The following ACAT1 variants were observed in gnomAD, a reference collection of about 807,000 sequenced individuals.
ACAT1 encodes acetyl-CoA acetyltransferase 1.
A neutral mutation model predicts 47.3 loss-of-function variants in ACAT1; 28 were observed. The ratio of observed to expected loss-of-function variants is 0.59; its 90% CI spans 0.44 to 0.81. The LOEUF is 0.81. ACAT1 is among the 30% of genes least tolerant of loss of function. The probability of loss-of-function intolerance (pLI) is 0.00; values close to 1 mark genes in which losing one functional copy is unlikely to be tolerated. For missense variants in ACAT1, 469 were observed against 524.3 expected (o/e 0.89, Z 1.03); for synonymous variants, 181 against 173.6 (o/e 1.04, Z -0.34).
chr11:108,142,551 G>A lies in ACAT1; in HGVS notation c.940+1G>A, dbSNP rs1591371185. The A allele has an allele frequency of 6.2e-7, 1 of 1,612,610 alleles. No homozygotes were observed. Among genetic ancestry groups the A allele is most frequent in the Non-Finnish European group, 8.5e-7 (1 of 1,178,648 alleles). ...GTTACACCACTGGCAAGAATAGTAG[G>A]TAAGGCCAGGCGAGGTGGCTCACAC... On this transcript the variant is annotated splice_donor_variant, in intron 9 of 11. Transcript: ENST00000265838. LOFTEE classifies it high-confidence loss of function.
chr11:108,142,379 A>G, intron 8 of ACAT1, 58 bp from the exon 9 acceptor site: 1 of 1,339,280 alleles, frequency 7.5e-7, no homozygotes, highest in Non-Finnish European at 1.1e-6. Flanking sequence ...TGTTGAATTG[A>G]ACCAAATACA....
At chr11:108,144,297 A>G (rs1237536131) in intron 10 of ACAT1, 1 of 525,072 alleles carries the variant, frequency 1.9e-6, no homozygotes, top group African/African-American at 1.9e-5. Flanking sequence ...AATTACTTGT[A>G]AGTATCATAC....
At chr11:108,121,510 G>A (rs1002344209), upstream of ACAT1, 97 of 1,345,100 alleles carry the variant, frequency 7.2e-5, no homozygotes, top group Non-Finnish European at 9.5e-5. Context: ...GGAGGAAGCG[G>A]GATGGGCGGT....
upstream of ACAT1, among the ~76,000 whole-genome samples, chr11:108,119,621 T>C (rs374271253): frequency 4.1e-4 from 62 of 149,456 alleles, no homozygotes; most frequent in East Asian, 1.0e-2. Context: ...AATTCAACTT[T>C]TTCAGTTAGA....
At chr11:108,123,545 T>G (rs2077188651) in intron 1 of ACAT1, among the ~76,000 whole-genome samples, 1 of 152,184 alleles carries the variant, frequency 6.6e-6, no homozygotes, top group Admixed American at 6.5e-5. Flanking sequence ...TCTAATCACT[T>G]TTCTCTCTCT....
intron 9 of ACAT1, chr11:108,143,539 A>T (rs151268430): frequency 1.3e-5 from 2 of 153,086 alleles, no homozygotes; most frequent in Non-Finnish European, 2.9e-5. Context: ...GACTTAACAG[A>T]TGCTATTTTG....
intron 4 of ACAT1, chr11:108,134,589 G>A (rs1174313660): frequency 8.6e-6 from 2 of 233,666 alleles, no homozygotes; most frequent in South Asian, 5.0e-5. Flanking sequence ...AGTGAGCCAA[G>A]ATTGCACCAT....
chr11:108,130,344 T>C (rs775458006), intron 1 of ACAT1, among the ~76,000 whole-genome samples: 9 of 152,116 alleles, frequency 5.9e-5, no homozygotes, highest in Non-Finnish European at 1.3e-4. Flanking sequence ...GTGACCGGCA[T>C]GTTTACTACA....
chr11:108,125,842 C>A (rs565494201), intron 1 of ACAT1, among the ~76,000 whole-genome samples: 1 of 150,626 alleles, frequency 6.6e-6, no homozygotes, highest in Admixed American at 6.6e-5. Context: ...AGGAGAATGG[C>A]GTGAACCTGG....
Position 108,146,198 on chromosome 11 carries a change from T to G in ACAT1, c.1006-4T>G, listed in dbSNP as rs762043578. The G allele has an allele frequency of 1.1e-5, 17 of 1,607,094 alleles. No individual in the cohort carries two copies. Among genetic ancestry groups the G allele is most frequent in the Non-Finnish European group, 1.4e-5 (16 of 1,174,280 alleles). On this transcript the variant is annotated splice_region_variant and splice_polypyrimidine_tract_variant and intron_variant, in intron 10 of 11. Transcript: ENST00000265838. Reference sequence around the variant, plus strand: ...AACATCATCTGTCTTTTAAAAAATTTAAGGTTCTTAAAGATGTGGGATTGA... The same window carrying G: ...AACATCATCTGTCTTTTAAAAAATTGAAGGTTCTTAAAGATGTGGGATTGA...
chr11:108,134,322 T>C lies in ACAT1; in HGVS notation c.334+6T>C, dbSNP rs1416045592. 8.7e-6 allele frequency: 14 copies of C among 1,611,554 alleles called. No individual in the cohort carries two copies. The highest frequency in any genetic ancestry group is 1.1e-5 in the South Asian group (1 of 91,052). ...GCAGGCAGTATTGGGTGCAGGTACCTGGAAGACTTTTTTGCTTTTATACTT... is the reference window on the plus strand; with the variant it reads ...GCAGGCAGTATTGGGTGCAGGTACCCGGAAGACTTTTTTGCTTTTATACTT... On this transcript the variant is annotated splice_donor_region_variant and intron_variant, in intron 4 of 11. Coordinates refer to ENST00000265838, the MANE Select transcript of ACAT1 (RefSeq NM_000019.4).
At chr11:108,123,530 C>T (rs551539486) in intron 1 of ACAT1, among the ~76,000 whole-genome samples, 2 of 152,262 alleles carry the variant, frequency 1.3e-5, no homozygotes, top group South Asian at 4.1e-4. Flanking sequence ...CATTGCCTTT[C>T]TAGCTCTAAT....
chr11:108,126,838 G>T (rs1385947932), intron 1 of ACAT1, among the ~76,000 whole-genome samples: 1 of 147,214 alleles, frequency 6.8e-6, no homozygotes, highest in Non-Finnish European at 1.5e-5. Flanking sequence ...TGTCACCCAG[G>T]CTGGAGTGCA....
At chr11:108,141,022 T>G (rs1338875946) in intron 7 of ACAT1, among the ~76,000 whole-genome samples, 1 of 151,776 alleles carries the variant, frequency 6.6e-6, no homozygotes, top group Non-Finnish European at 1.5e-5. Context: ...GCCCAGGAGT[T>G]TGAGACCAGC....
chr11:108,142,380 A>G, intron 8 of ACAT1, 57 bp from the exon 9 acceptor site: 1 of 1,360,248 alleles, frequency 7.4e-7, no homozygotes. Flanking sequence ...GTTGAATTGA[A>G]CCAAATACAT....
At chr11:108,145,482 A>C (rs1156722696) in intron 10 of ACAT1, among the ~76,000 whole-genome samples, 1 of 151,998 alleles carries the variant, frequency 6.6e-6, no homozygotes, top group African/African-American at 2.4e-5. Flanking sequence ...GCAGTGGGCC[A>C]TGACTGTGCC....
In ACAT1 at chr11:108,142,569, GCT is replaced by G. The variant is rs756041100; in HGVS notation, c.940+21_940+22del. ...ATAGTAGGTAAGGCCAGGCGAGGTG[GCT>G]CACACCTGTAATCCCAGCACTTTCG... On this transcript the variant is annotated intron_variant, in intron 9 of 11. Coordinates refer to ENST00000265838, the MANE Select transcript of ACAT1 (RefSeq NM_000019.4). The G allele has an allele frequency of 2.5e-6, 4 of 1,587,146 alleles. No homozygotes were observed. The South Asian group carries it at 3.3e-5, about 13-fold the overall frequency.
intron 1 of ACAT1, among the ~76,000 whole-genome samples, chr11:108,130,363 C>CT (rs143525246): frequency 1.3e-4 from 20 of 148,880 alleles, no homozygotes; most frequent in African/African-American, 2.2e-4. Context: ...CAAGTAGGAA[C>CT]TTTTTTTTTT....
At chr11:108,132,585 T>G (rs1453440525) in intron 2 of ACAT1, among the ~76,000 whole-genome samples, 1 of 151,974 alleles carries the variant, frequency 6.6e-6, no homozygotes, top group Non-Finnish European at 1.5e-5. Context: ...CCGGGTGCGG[T>G]GGCTCACACC....
Sources: allele counts gnomAD v4.1 joint callset (sites outside exome capture counted in the v4.1 genomes callset), GRCh38; gene constraint gnomAD v4.1.1; transcripts MANE v1.5; gene names NCBI Gene and HGNC (gene_info 2026-07-23, HGNC 2026-07-21).